CUX1: variants seen among roughly 807,000 people sequenced by gnomAD.
CUX1 encodes the protein protein CASP.
In CUX1, 31 loss-of-function variants were observed where a neutral mutation model predicts 158.8. The observed-to-expected ratio is 0.20, with a 90% CI of 0.15 to 0.26. CUX1 has a LOEUF of 0.26. Among genes scored for constraint, CUX1 ranks in the 10% least tolerant of loss-of-function variants. The probability of loss-of-function intolerance (pLI) is 1.00; values close to 1 mark genes in which losing one functional copy is unlikely to be tolerated. For missense variants in CUX1, 1,589 were observed against 2,014.6 expected, an observed-to-expected ratio of 0.79 and a Z score of 4.04; for synonymous variants, 879 against 862.1, an observed-to-expected ratio of 1.02 and a Z score of -0.34.
intron 8 of CUX1, among the ~76,000 whole-genome samples, chr7:102,138,291 G>A (rs1834110176): frequency 6.6e-6 from 1 of 152,020 alleles, no homozygotes; most frequent in Non-Finnish European, 1.5e-5. Flanking sequence ...GGTAAATTTG[G>A]CCTAATTACA....
chr7:102,216,546 ACC>A (rs71123012), intron 20 of CUX1, among the ~76,000 whole-genome samples: 1 of 98,212 alleles, frequency 1.0e-5, no homozygotes, highest in African/African-American at 4.4e-5. Context: ...ACACACACAC[ACC>A]CACACACGCA....
intron 3 of CUX1, among the ~76,000 whole-genome samples, chr7:102,069,475 G>A (rs1313801780): frequency 2.6e-5 from 4 of 152,194 alleles, no homozygotes; most frequent in Admixed American, 6.5e-5. Context: ...TAGGCCAGAC[G>A]CAGTGGCTCA....
chr7:102,274,426 C>T (rs1227803295), intron 16 of CUX1: 13 of 828,974 alleles, frequency 1.6e-5, no homozygotes, highest in Non-Finnish European at 2.5e-5. Flanking sequence ...AGGTCAGGCC[C>T]CCACGCCTGC....
Position 102,239,454 on chromosome 7 carries a change from C to T in CUX1, c.3757C>T (p.Pro1253Ser). ...GAAGAAACCCCGGGTGGTGCTGGCT[C>T]CGGAGGAGAAGGAGGCGCTGAAACG... ...QLKKPRVVLA[P>S]EEKEALKRAY... Residue 1253 changes from proline (P) to serine (S), a missense_variant, in exon 23 of 24, where the codon CCG (proline) becomes TCG (serine). Coordinates refer to ENST00000292535, the MANE Select transcript of CUX1 (RefSeq NM_181552.4). The T allele has an allele frequency of 1.2e-6, 2 of 1,614,062 alleles. No individual in the cohort carries two copies. Among genetic ancestry groups the T allele is most frequent in the Non-Finnish European group, 1.7e-6 (2 of 1,179,946 alleles).
chr7:101,862,789 G>C (rs927004320), intron 1 of CUX1, among the ~76,000 whole-genome samples: 1 of 151,972 alleles, frequency 6.6e-6, no homozygotes, highest in Non-Finnish European at 1.5e-5. Context: ...GGAAAGTTTA[G>C]AGCTCCCAAA....
rs782812674 is a variant in CUX1 at position 102,097,386 on chromosome 7, C to T, written c.291C>T (p.Leu97=). 1.6e-5 allele frequency: 26 copies of T among 1,608,810 alleles called. No individual in the cohort carries two copies. Among genetic ancestry groups the T allele is most frequent in the East Asian group, 6.7e-5 (3 of 44,854 alleles). ...CAGATCCCGTACCAGCTTTGGATCT[C>T]GGACAGCAACTCCAGCTCAAAGTGC... ...DVPDPVPALD[L]GQQLQLKVQR... The change falls in exon 5 of 24, where the codon CTC becomes CTT. Residue 97 remains leucine (L), a synonymous_variant. Coordinates refer to ENST00000292535, the MANE Select transcript of CUX1 (RefSeq NM_181552.4).
chr7:101,976,157 GAATT>G (rs563495344), intron 2 of CUX1, among the ~76,000 whole-genome samples: 2 of 152,212 alleles, frequency 1.3e-5, no homozygotes, highest in African/African-American at 4.8e-5. Flanking sequence ...ACCACAGTAT[GAATT>G]AATTATTTCT....
chr7:102,249,679 AG>A lies in CUX1; in HGVS notation c.*644del. ...TCTTCTTAAACCAGGAAAAAATAAA[AG>A]GGGGGGTGGGATTTTTCAGAAAAAT... On this transcript the variant is annotated 3_prime_UTR_variant, in exon 24 of 24. Coordinates refer to ENST00000292535, the MANE Select transcript of CUX1 (RefSeq NM_181552.4). The A allele has an allele frequency of 4.1e-6, 4 of 978,116 alleles. No homozygotes were observed. Among genetic ancestry groups the A allele is most frequent in the South Asian group, 4.8e-5 (1 of 20,654 alleles). The allele number at this position is 978,116 out of a possible 1,614,324, so 60.6% of individuals were successfully genotyped here.
intron 2 of CUX1, among the ~76,000 whole-genome samples, chr7:101,974,305 G>A (rs1812378524): frequency 6.6e-6 from 1 of 152,112 alleles, no homozygotes; most frequent in South Asian, 2.1e-4. Flanking sequence ...TCTTACTGTG[G>A]CACACTCTCA....
Position 101,897,081 on chromosome 7 carries a change from A to G in CUX1, c.31-19034A>G, listed in dbSNP as rs115892828. Among the ~76,000 whole-genome samples, 340 of 152,334 alleles carry G rather than the reference A, an allele frequency of 2.2e-3. 3 individuals carry two copies. The highest frequency in any genetic ancestry group is 7.9e-3 in the African/African-American group (327 of 41,590). On this transcript the variant is annotated intron_variant, in intron 1 of 23. Transcript: ENST00000292535. ...CAGCACCCATTTACTCCCTCTTATT[A>G]GGCCTTCCTCTGAATTTATATCAAG...
At chr7:102,143,083 G>A (rs1317863612) in intron 8 of CUX1, among the ~76,000 whole-genome samples, 1 of 152,148 alleles carries the variant, frequency 6.6e-6, no homozygotes, top group Non-Finnish European at 1.5e-5. Context: ...ACTGTCCCAT[G>A]GCCAGGGGGC....
In CUX1 at chr7:102,254,754, C is replaced by T. The variant is rs781893055; in HGVS notation, c.*5712C>T. 5.9e-5 allele frequency: 58 copies of T among 985,342 alleles called. No individual in the cohort carries two copies. The highest frequency in any genetic ancestry group is 1.9e-4 in the South Asian group (4 of 21,290). The allele number at this position is 985,342 out of a possible 1,614,324, so 61.0% of individuals were successfully genotyped here. A position where few individuals can be genotyped will look rare whatever the true frequency, so the allele number is the denominator to read the frequency against. On this transcript the variant is annotated 3_prime_UTR_variant, in exon 24 of 24. Coordinates refer to ENST00000292535, the MANE Select transcript of CUX1 (RefSeq NM_181552.4). ...AGGGCAGGGCTTGTGCCCTGAGTGGCGAGGTGGTGACCTGAGGCCAGTGTG... is the reference window on the plus strand; with the variant it reads ...AGGGCAGGGCTTGTGCCCTGAGTGGTGAGGTGGTGACCTGAGGCCAGTGTG...
At chr7:102,131,778 T>G (rs1833270129) in intron 8 of CUX1, among the ~76,000 whole-genome samples, 1 of 151,832 alleles carries the variant, frequency 6.6e-6, no homozygotes, top group Non-Finnish European at 1.5e-5. Flanking sequence ...GTTCAAGCAG[T>G]TCTCCTGCCT....
intron 1 of CUX1, among the ~76,000 whole-genome samples, chr7:101,818,125 G>T (rs888270592): frequency 6.6e-6 from 1 of 152,150 alleles, no homozygotes; most frequent in African/African-American, 2.4e-5. Flanking sequence ...ATGTATTTCC[G>T]ATAAGATTAA....
chr7:102,195,698 C>T (rs1794733149), intron 14 of CUX1, 95 bp downstream of exon 14: 1 of 1,136,490 alleles, frequency 8.8e-7, no homozygotes, highest in South Asian at 1.5e-5. Flanking sequence ...TGGACAGATG[C>T]ATGGCCAGAG....
chr7:102,162,536 C>T (rs1179696554), intron 9 of CUX1, among the ~76,000 whole-genome samples: 1 of 152,180 alleles, frequency 6.6e-6, no homozygotes, highest in Non-Finnish European at 1.5e-5. Context: ...CTCAGCCTCC[C>T]GAGTAGCTGG....
chr7:101,879,287 T>A (rs529138125), intron 1 of CUX1, among the ~76,000 whole-genome samples: 8 of 151,310 alleles, frequency 5.3e-5, no homozygotes, highest in Non-Finnish European at 8.8e-5. Context: ...CCCCCTCCCC[T>A]GTCCCCCCTT....
intron 8 of CUX1, among the ~76,000 whole-genome samples, chr7:102,124,084 G>C (rs1425805158): frequency 6.6e-6 from 1 of 152,192 alleles, no homozygotes; most frequent in Non-Finnish European, 1.5e-5. Flanking sequence ...GATCCTTAAA[G>C]TTTTTCTGAT....
intron 8 of CUX1, among the ~76,000 whole-genome samples, chr7:102,146,608 C>CT (rs1389599082): frequency 5.3e-5 from 8 of 151,924 alleles, no homozygotes; most frequent in East Asian, 1.9e-4. Context: ...TTCTTTCTTT[C>CT]TTTTTTTTAA....
Sources: allele counts gnomAD v4.1 joint callset (sites outside exome capture counted in the v4.1 genomes callset), GRCh38; gene constraint gnomAD v4.1.1; transcripts MANE v1.5; gene names NCBI Gene and HGNC (gene_info 2026-07-23, HGNC 2026-07-21).